Variants in HMSD observed in about 807,000 individuals in gnomAD.
HMSD encodes serpin-like protein HMSD.
In HMSD, 13 loss-of-function variants were observed where a neutral mutation model predicts 10.0. That is an observed-to-expected ratio of 1.31 (90% CI 0.85 to 2.08). The LOEUF is 2.08. Ranked by LOEUF, HMSD falls within the 30% of genes most tolerant of loss-of-function variation. The pLI is 0.00. For synonymous variants in HMSD, 51 were observed against 54.2 expected (o/e 0.94, Z 0.26); for missense variants, 169 against 166.3 (o/e 1.02, Z -0.09).
chr18:63,962,810 G>T (rs943724182), downstream of HMSD, among the ~76,000 whole-genome samples: 1 of 152,198 alleles, frequency 6.6e-6, no homozygotes, highest in African/African-American at 2.4e-5. Context: ...GCTTCTGCAT[G>T]TGAAAGGTGG....
intron 1 of HMSD, among the ~76,000 whole-genome samples, chr18:63,951,340 T>C (rs2050329389): frequency 6.6e-6 from 1 of 152,240 alleles, no homozygotes; most frequent in Non-Finnish European, 1.5e-5. Flanking sequence ...AATTAATTGA[T>C]CATTGACTAA....
At chr18:63,963,203 G>C (rs9960885), downstream of HMSD, among the ~76,000 whole-genome samples, 4 of 99,366 alleles carry the variant, frequency 4.0e-5, no homozygotes, top group Non-Finnish European at 7.4e-5. Context: ...TTCCTTCCTT[G>C]CTTCCTTCCT....
In HMSD at chr18:63,967,484, C is replaced by G. The variant is rs79223798; in HGVS notation, n.312+7209C>G. Among the ~76,000 whole-genome samples, 1,306 of 152,266 alleles carry G rather than the reference C, an allele frequency of 8.6e-3. 22 individuals are homozygous for G. Among genetic ancestry groups the G allele is most frequent in the African/African-American group, 0.026 (1,069 of 41,546 alleles). ...TTTGTGCATTTTACAGCAAGGAGTA[C>G]AGAGACCTCGAATCACCCCAGGAAG... On this transcript the variant is annotated intron_variant and non_coding_transcript_variant, in intron 3 of 5. Coordinates refer to the HMSD transcript ENST00000481726.
chr18:63,961,652 A>T lies in HMSD; in HGVS notation c.*1297A>T, dbSNP rs1261253628. 1.3e-5 allele frequency: 2 copies of T among 152,200 alleles called. No homozygotes were observed. Among genetic ancestry groups the T allele is most frequent in the Non-Finnish European group, 2.9e-5 (2 of 68,076 alleles). 9.4% of individuals were successfully genotyped at this position (152,200 alleles called of 1,614,324 possible). On this transcript the variant is annotated 3_prime_UTR_variant, in exon 4 of 4. Transcript: ENST00000408945. ...TCCCTCCAGCCTGGAAAATTATTCA[A>T]ACAAGCCTGTCACATCTGGAGGAGC...
downstream of HMSD, among the ~76,000 whole-genome samples, chr18:63,962,922 G>C (rs17244305): frequency 1.3e-5 from 2 of 151,854 alleles, no homozygotes; most frequent in African/African-American, 4.8e-5. Context: ...ACAAGCTGAC[G>C]TTGATCTGAT....
At chr18:63,953,743 T>G (rs1231961989) in intron 2 of HMSD, among the ~76,000 whole-genome samples, 1 of 152,218 alleles carries the variant, frequency 6.6e-6, no homozygotes, top group Non-Finnish European at 1.5e-5. Flanking sequence ...TGCAGGCAAC[T>G]GGGCTAGAAG....
chr18:63,958,374 T>C (rs2050369965), intron 3 of HMSD, among the ~76,000 whole-genome samples: 1 of 152,150 alleles, frequency 6.6e-6, no homozygotes, highest in African/African-American at 2.4e-5. Flanking sequence ...CTCCATGCCA[T>C]ACTGATACAG....
downstream of HMSD, among the ~76,000 whole-genome samples, chr18:63,964,302 C>T (rs549505161): frequency 1.6e-4 from 24 of 152,188 alleles, no homozygotes; most frequent in South Asian, 2.1e-3. Context: ...GGCAGATCAC[C>T]GGAGGTCAGG....
intron 3 of HMSD, among the ~76,000 whole-genome samples, chr18:63,956,534 A>G (rs143724686): frequency 1.3e-5 from 2 of 152,336 alleles, no homozygotes; most frequent in African/African-American, 4.8e-5. Context: ...ATGATGAGAT[A>G]CCATCTCACA....
intron 3 of HMSD, among the ~76,000 whole-genome samples, chr18:63,967,093 A>G (rs1051576252): frequency 3.3e-5 from 5 of 152,078 alleles, no homozygotes; most frequent in African/African-American, 1.2e-4. Context: ...GCTAGAGTAT[A>G]TGGTCAGTCA....
At chr18:63,960,009 G>T in intron 3 of HMSD, 149 bp from the exon 4 acceptor site, 2 of 807,198 alleles carry the variant, frequency 2.5e-6, no homozygotes, top group Non-Finnish European at 1.9e-6. Context: ...AAAAGAATTT[G>T]GACTTTAGGT....
chr18:63,950,626 A>G (rs1324925331), intron 1 of HMSD, among the ~76,000 whole-genome samples: 1 of 151,904 alleles, frequency 6.6e-6, no homozygotes, highest in East Asian at 1.9e-4. Context: ...TTGAAAGCCA[A>G]CTTGTGGATA....
At chr18:63,964,559 C>T (rs775950294), downstream of HMSD, among the ~76,000 whole-genome samples, 15 of 151,980 alleles carry the variant, frequency 9.9e-5, no homozygotes, top group East Asian at 1.2e-3. Context: ...AAATAAAATA[C>T]CATAGACTGG....
At chr18:63,957,190 A>G (rs1161626672) in intron 3 of HMSD, among the ~76,000 whole-genome samples, 1 of 152,186 alleles carries the variant, frequency 6.6e-6, no homozygotes, top group Non-Finnish European at 1.5e-5. Flanking sequence ...ATTTGCCTAT[A>G]TAACAAACTT....
At chr18:63,963,089 C>CTT (rs879387269), downstream of HMSD, among the ~76,000 whole-genome samples, 1 of 120,962 alleles carries the variant, frequency 8.3e-6, no homozygotes, top group Non-Finnish European at 1.7e-5. Context: ...TTCTTTCTTT[C>CTT]TTTCTTTCTT....
chr18:63,960,443 T>G lies in HMSD; in HGVS notation c.*88T>G. On this transcript the variant is annotated 3_prime_UTR_variant, in exon 4 of 4. Transcript: ENST00000408945. ...CCAACTCGTAGACCTTTTCTCTAGC[T>G]TTAGCTTTTCCCTTATCAAGTATCT... 1.4e-6 allele frequency: 2 copies of G among 1,473,804 alleles called. No homozygotes were observed. The highest frequency in any genetic ancestry group is 1.8e-6 in the Non-Finnish European group (2 of 1,121,892). The allele number at this position is 1,473,804 out of a possible 1,614,324, so 91.3% of individuals were successfully genotyped here. A position where few individuals can be genotyped will look rare whatever the true frequency, so the allele number is the denominator to read the frequency against.
chr18:63,956,918 G>C (rs1599110137), intron 3 of HMSD, among the ~76,000 whole-genome samples: 1 of 152,170 alleles, frequency 6.6e-6, no homozygotes, highest in Non-Finnish European at 1.5e-5. Flanking sequence ...CATGTCCTTT[G>C]CAGCCACAGA....
downstream of HMSD, among the ~76,000 whole-genome samples, chr18:63,963,093 CTTTCTTTCTTTCTTTCTT>C: frequency 7.9e-6 from 1 of 126,964 alleles, no homozygotes; most frequent in African/African-American, 3.7e-5. Flanking sequence ...TTCTTTCTTT[CTTTCTTTCTTTCTTTCTT>C]TCTTTCTTTC....
chr18:63,963,160 C>G (rs2050396877), downstream of HMSD, among the ~76,000 whole-genome samples: 1 of 135,930 alleles, frequency 7.4e-6, no homozygotes, highest in Non-Finnish European at 1.6e-5. Context: ...TCTCTTCTTT[C>G]TTTCTCTCTC....
Sources: gnomAD v4.1 joint callset for allele counts (sites outside exome capture counted in the v4.1 genomes callset) on GRCh38, gnomAD v4.1.1 for gene constraint, MANE v1.5 for transcripts, NCBI Gene and HGNC (gene_info 2026-07-23, HGNC 2026-07-21) for gene names.